Variants in MTX2 observed in about 807,000 individuals in gnomAD.
MTX2 encodes metaxin-2.
In MTX2, 35 loss-of-function variants were observed where a neutral mutation model predicts 42.3. That is an observed-to-expected ratio of 0.83 (90% CI 0.63 to 1.10). The LOEUF (loss-of-function observed/expected upper bound fraction) is 1.10, where lower values mean the gene tolerates loss of function less well. Among genes scored for constraint, MTX2 ranks in the 50% least tolerant of loss-of-function variants. MTX2 has a pLI of 0.00. For synonymous variants in MTX2, 119 were observed against 100.9 expected, an observed-to-expected ratio of 1.18 and a Z score of -1.08; for missense variants, 307 against 304.1, an observed-to-expected ratio of 1.01 and a Z score of -0.07.
chr2:176,286,635 C>T (rs565144294), intron 1 of MTX2, among the ~76,000 whole-genome samples: 4 of 151,860 alleles, frequency 2.6e-5, no homozygotes, highest in African/African-American at 9.7e-5. Flanking sequence ...CTGCAACCTC[C>T]GTCTCCCAGG....
At chr2:176,279,281 C>T (rs1427595092) in intron 1 of MTX2, among the ~76,000 whole-genome samples, 1 of 152,078 alleles carries the variant, frequency 6.6e-6, no homozygotes, top group Non-Finnish European at 1.5e-5. Context: ...ACCCCCACAT[C>T]ATATTTTATT....
At chr2:176,281,355 C>T (rs954209963) in intron 1 of MTX2, among the ~76,000 whole-genome samples, 1 of 152,126 alleles carries the variant, frequency 6.6e-6, no homozygotes, top group Admixed American at 6.5e-5. Context: ...TCACTTGTAT[C>T]TCTGACAGTT....
At chr2:176,331,415 A>T (rs1233788351) in intron 9 of MTX2, among the ~76,000 whole-genome samples, 1 of 151,100 alleles carries the variant, frequency 6.6e-6, no homozygotes, top group East Asian at 1.9e-4. Context: ...AATAAAAATT[A>T]TTTGATTTTT....
At chr2:176,312,099 A>G (rs1282681325) in intron 3 of MTX2, among the ~76,000 whole-genome samples, 1 of 152,230 alleles carries the variant, frequency 6.6e-6, no homozygotes, top group Non-Finnish European at 1.5e-5. Flanking sequence ...CTAAAGCAGT[A>G]TCAACGTATT....
chr2:176,302,900 T>C (rs1219947016), intron 3 of MTX2, among the ~76,000 whole-genome samples: 3 of 152,148 alleles, frequency 2.0e-5, no homozygotes, highest in Non-Finnish European at 4.4e-5. Flanking sequence ...CCAAATGTAG[T>C]GTTTGGGAAA....
chr2:176,336,041 A>G (rs1684980215), intron 9 of MTX2, among the ~76,000 whole-genome samples: 1 of 151,996 alleles, frequency 6.6e-6, no homozygotes, highest in East Asian at 1.9e-4. Flanking sequence ...TCAAATTTGG[A>G]TTTTTACCAA....
intron 1 of MTX2, among the ~76,000 whole-genome samples, chr2:176,283,605 A>G (rs1285763488): frequency 6.6e-6 from 1 of 152,198 alleles, no homozygotes; most frequent in African/African-American, 2.4e-5. Context: ...TTGGTTAGCT[A>G]GCTTGATATG....
chr2:176,296,951 A>G (rs1683900999), intron 2 of MTX2, 44 bp downstream of exon 2: 3 of 1,554,458 alleles, frequency 1.9e-6, no homozygotes, highest in East Asian at 4.5e-5. Flanking sequence ...ATCAAACTAT[A>G]TTTATTACGG....
chr2:176,313,388 C>CTTTTTTTTTTTTTTTTTTTTTTTT (rs1207416607), intron 3 of MTX2, among the ~76,000 whole-genome samples: 3 of 103,510 alleles, frequency 2.9e-5, no homozygotes, highest in African/African-American at 1.2e-4. Flanking sequence ...TACACTGATT[C>CTTTTTTTTTTTTTTTTTTTTTTTT]TTTTTTTTTT....
chr2:176,283,447 C>T (rs903379055), intron 1 of MTX2, among the ~76,000 whole-genome samples: 4 of 152,106 alleles, frequency 2.6e-5, no homozygotes, highest in South Asian at 2.1e-4. Flanking sequence ...AATTCTTGAC[C>T]GTTACCTCAT....
intron 1 of MTX2, among the ~76,000 whole-genome samples, chr2:176,289,473 G>T (rs375188602): frequency 6.6e-6 from 1 of 152,012 alleles, no homozygotes; most frequent in Non-Finnish European, 1.5e-5. Flanking sequence ...TGGGAAGTAG[G>T]TAAAGAACTA....
intron 4 of MTX2, among the ~76,000 whole-genome samples, chr2:176,323,815 A>T (rs1038609990): frequency 1.3e-5 from 2 of 151,748 alleles, no homozygotes; most frequent in African/African-American, 4.8e-5. Flanking sequence ...TAATGAATCC[A>T]TTTATTATTC....
intron 3 of MTX2, among the ~76,000 whole-genome samples, chr2:176,298,261 A>C (rs1228135067): frequency 1.3e-5 from 2 of 152,004 alleles, no homozygotes; most frequent in Non-Finnish European, 2.9e-5. Context: ...TAATTCGTTA[A>C]GATTTATTTA....
chr2:176,309,008 T>A (rs1009577625), intron 3 of MTX2, among the ~76,000 whole-genome samples: 2 of 152,218 alleles, frequency 1.3e-5, no homozygotes, highest in African/African-American at 4.8e-5. Flanking sequence ...AGAACTTTCC[T>A]GCTTTCTCTT....
At chr2:176,323,350 T>C (rs754258801) in intron 3 of MTX2, 42 bp from the exon 4 acceptor site, 3 of 1,512,760 alleles carry the variant, frequency 2.0e-6, no homozygotes, top group East Asian at 4.5e-5. Context: ...CAAATATGCA[T>C]ATGCTTTTTA....
At chr2:176,299,404 A>G (rs1372582197) in intron 3 of MTX2, among the ~76,000 whole-genome samples, 2 of 152,118 alleles carry the variant, frequency 1.3e-5, no homozygotes, top group South Asian at 2.1e-4. Flanking sequence ...AAGGGGGGAA[A>G]AAATAAATCT....
In MTX2 at chr2:176,307,788, G is replaced by C. The variant is rs146043244; in HGVS notation, c.135+9893G>C. On this transcript the variant is annotated intron_variant, in intron 3 of 9. Transcript: ENST00000249442. ...CTTTGCTGAAGTTGCTTATCAGCTT[G>C]AGATTTTGGGCTGAGACGATGGGGT... 1.8e-3 allele frequency among the ~76,000 whole-genome samples: 266 copies of C among 150,788 alleles called. 2 individuals are homozygous for C. Among genetic ancestry groups the C allele is most frequent in the African/African-American group, 5.8e-3 (242 of 41,372 alleles).
Position 176,269,479 on chromosome 2 carries a change from A to G in MTX2, c.-151A>G, listed in dbSNP as rs377319718. 6 of 847,042 alleles carry G rather than the reference A, an allele frequency of 7.1e-6. No individual in the cohort carries two copies. The highest frequency in any genetic ancestry group is 3.5e-5 in the Admixed American group (1 of 28,748). The allele number at this position is 847,042 out of a possible 1,614,324, so 52.5% of individuals were successfully genotyped here. On this transcript the variant is annotated 5_prime_UTR_variant, in exon 1 of 10. Coordinates refer to ENST00000249442, the MANE Select transcript of MTX2 (RefSeq NM_006554.5). ...GCCTGGCGGTAACCTTGGGGGCCTC[A>G]CTGCAGCCGCCGCTGCTGTTGGAGT...
intron 4 of MTX2, 21 bp from the exon 5 acceptor site, chr2:176,326,804 A>G (rs771753336): frequency 5.6e-6 from 8 of 1,426,038 alleles, no homozygotes; most frequent in Non-Finnish European, 7.7e-6. Flanking sequence ...TTTTATAAAT[A>G]CTTTTTTTTT....
Sources: allele counts gnomAD v4.1 joint callset (sites outside exome capture counted in the v4.1 genomes callset), GRCh38; gene constraint gnomAD v4.1.1; transcripts MANE v1.5; gene names NCBI Gene and HGNC (gene_info 2026-07-23, HGNC 2026-07-21).